SEPTIN4: variants seen among roughly 807,000 people sequenced by gnomAD.
SEPTIN4 encodes the protein septin-4.
SEPTIN4 carries 52 observed loss-of-function variants against 107.1 expected under a neutral mutation model. The observed-to-expected ratio is 0.49, with a 90% CI of 0.39 to 0.61. The LOEUF is 0.61. Ranked by LOEUF, SEPTIN4 falls within the 20% of genes least tolerant of loss-of-function variation. The pLI is 0.00. For missense variants in SEPTIN4, 1,048 were observed against 1,243.5 expected (o/e 0.84, Z 2.36); for synonymous variants, 417 against 467.0 (o/e 0.89, Z 1.38).
rs749118292 is a variant in SEPTIN4, at chr17:58,543,608, A to G, written c.579T>C (p.Ile193=). ...CTGCTTCATCCTTTGGGTAAGACAA[A>G]ATCCTACGGGGAACTCTGACTCCTT... is the stretch of plus-strand genomic sequence containing the variant. ...NPQGVRVPRR[I]LSYPKDEAVQ... Residue 193 remains isoleucine, a synonymous_variant, in exon 1 of 14, where the codon ATT becomes ATC. Coordinates refer to ENST00000672673, the MANE Select transcript of SEPTIN4 (RefSeq NM_001368771.2). 7 of 1,614,004 alleles carry G rather than the reference A, an allele frequency of 4.3e-6. No homozygotes were observed.
intron 3 of SEPTIN4, chr17:58,527,844 G>C (rs935850675): frequency 1.0e-6 from 1 of 985,564 alleles, no homozygotes; most frequent in African/African-American, 1.7e-5. Context: ...CCCAGAGCCG[G>C]CAGTGCACGA....
chr17:58,538,892 C>T lies in SEPTIN4; in HGVS notation c.1614+1774G>A, dbSNP rs1472639531. ...ATGATGCCTTCCACAAGCCAGGCAT[C>T]GTGGCCAGGCCACCAGAGAATTCCT... On this transcript the variant is annotated intron_variant, in intron 3 of 13. Transcript: ENST00000672673. This position sits in a 1 kb window ranked among gnomAD's most constrained non-coding sequence, Gnocchi z 4.7. 1.3e-5 allele frequency among the ~76,000 whole-genome samples: 2 copies of T among 152,206 alleles called. No homozygotes were observed. Among genetic ancestry groups the T allele is most frequent in the East Asian group, 1.9e-4 (1 of 5,200 alleles).
Position 58,526,283 on chromosome 17 carries a change from G to C in SEPTIN4, c.1942C>G (p.Leu648Val). 6.2e-7 allele frequency: 1 copy of C among 1,603,276 alleles called. No homozygotes were observed. The highest frequency in any genetic ancestry group is 8.5e-7 in the Non-Finnish European group (1 of 1,174,708). ...GACTTTCGGTGGACTTGGTTGGGGA[G>C]GGTTGCAAAGCCCACATACTCCTTG... ...DDKEYVGFAT[L>V]PNQVHRKSVK... is the part of the protein sequence containing the mutation. Residue 648 changes from leucine to valine, a missense_variant, in exon 5 of 14, where the codon CTC becomes GTC. By Grantham distance (32) the Leu-to-Val change is conservative. Around this residue, in one of 2 missense-constraint regions of SEPTIN4, gnomAD observed 787 missense variants for 871.8 expected, o/e 0.90. Transcript: ENST00000672673.
At chr17:58,528,812 G>C (rs565668362) in intron 3 of SEPTIN4, among the ~76,000 whole-genome samples, 1 of 152,280 alleles carries the variant, frequency 6.6e-6, no homozygotes, top group Admixed American at 6.5e-5. Context: ...ACTGAGTGGA[G>C]GGGCAGGGAA....
rs1250995210 is a variant in SEPTIN4, at chr17:58,525,280, T to C, written c.2093-79A>G. ...GATGAACCGCCCACCCCAACCAGCC[T>C]TGTTGCTCAGACTGCCTAATCCACA... On this transcript the variant is annotated intron_variant, in intron 6 of 13. Transcript: ENST00000672673. The C allele has an allele frequency of 2.6e-6, 4 of 1,568,530 alleles. No individual in the cohort carries two copies. In the South Asian group the frequency reaches 4.6e-5, roughly 18 times the overall value.
In SEPTIN4 at chr17:58,543,686, G is replaced by A. The variant is rs139081806; in HGVS notation, c.501C>T (p.Asn167=). ...CATCTTCTAAGATTTGTGATTGTAAGTTATTCTTCTGGTCTTGAAAACTCA... is the reference window on the plus strand; with the variant it reads ...CATCTTCTAAGATTTGTGATTGTAAATTATTCTTCTGGTCTTGAAAACTCA... The part of the protein sequence containing the change: ...HQLSFQDQKN[N]LQSQILEDDP... Residue 167 remains asparagine (N), a synonymous_variant, in exon 1 of 14, where the codon AAC becomes AAT. Coordinates refer to ENST00000672673, the MANE Select transcript of SEPTIN4 (RefSeq NM_001368771.2). The A allele has an allele frequency of 1.5e-4, 249 of 1,614,104 alleles. No homozygotes were observed. Among genetic ancestry groups the A allele is most frequent in the Non-Finnish European group, 2.0e-4 (237 of 1,180,040 alleles).
At chr17:58,528,136 G>T in intron 3 of SEPTIN4, 1 of 674,116 alleles carries the variant, frequency 1.5e-6, no homozygotes, top group Non-Finnish European at 1.8e-6. Context: ...ACTCTCTGAG[G>T]GTTAGCCAAG....
intron 7 of SEPTIN4, 72 bp downstream of exon 7, chr17:58,525,006 G>A: frequency 1.9e-6 from 3 of 1,598,388 alleles, no homozygotes; most frequent in Non-Finnish European, 2.6e-6. Context: ...GATATATCTG[G>A]GCCTACGTGT....
rs371635369 is a variant in SEPTIN4, at chr17:58,543,305, C to T, written c.882G>A (p.Glu294=). The T allele has an allele frequency of 2.5e-6, 4 of 1,614,068 alleles. No homozygotes were observed. The African/African-American group carries it at 5.3e-5, about 22-fold the overall frequency. The part of the protein sequence containing the change: ...VHRVSARVDP[E]SLHKYSAYPE... ...GATAGGCAGAATACTTATGAAGAGA[C>T]TCAGGGTCTACCCGTGCAGAAACTC... The change falls in exon 1 of 14, where the codon GAG becomes GAA. Residue 294 remains glutamate (E), a synonymous_variant. Transcript: ENST00000672673.
Position 58,525,758 on chromosome 17 carries a change from T to G in SEPTIN4, c.2029A>C (p.Thr677Pro). 6.2e-7 allele frequency: 1 copy of G among 1,614,142 alleles called. No homozygotes were observed. The highest frequency in any genetic ancestry group is 8.5e-7 in the Non-Finnish European group (1 of 1,180,008). ...VAGESGLGKSTLVNSLFLTDL... is the reference protein window; with the variant it reads ...VAGESGLGKSPLVNSLFLTDL... ...GTGAGGAAGAGGCTATTGACAAGTG[T>G]GGATTTGCCCAGGCCAGACTCTCCT... is the stretch of plus-strand genomic sequence containing the variant. Residue 677 changes from threonine to proline, a missense_variant, in exon 6 of 14, where the codon ACA becomes CCA. By Grantham distance (38) the Thr-to-Pro change is conservative (BLOSUM62 -1). Transcript: ENST00000672673.
Position 58,540,657 on chromosome 17 carries a change from C to G in SEPTIN4, c.1614+9G>C. 5.1e-6 allele frequency: 7 copies of G among 1,361,894 alleles called. No individual in the cohort carries two copies. The highest frequency in any genetic ancestry group is 6.6e-6 in the Non-Finnish European group (7 of 1,063,054). 84.4% of individuals were successfully genotyped at this position (1,361,894 alleles called of 1,614,324 possible). ...AAGACTGGGAGTAACCTCCCAGGGG[C>G]ATTCTTACCTCCTCATCTGTCATAA... On this transcript the variant is annotated intron_variant, in intron 3 of 13. Transcript: ENST00000672673.
chr17:58,532,637 A>AGGGATCATCTGCT (rs1385589463), intron 3 of SEPTIN4, among the ~76,000 whole-genome samples: 2 of 152,244 alleles, frequency 1.3e-5, no homozygotes, highest in Admixed American at 6.5e-5. Flanking sequence ...CAAATTATCC[A>AGGGATCATCTGCT]GGGATCATCT....
At position 58,525,926 on chromosome 17, in the gene SEPTIN4, A is replaced by C. The variant is rs144906628; in HGVS notation, c.2006-145T>G. 3.1e-4 allele frequency: 266 copies of C among 858,598 alleles called. 1 individual carries two copies. The African/African-American group carries it at 4.0e-3, about 13-fold the overall frequency. 53.2% of individuals were successfully genotyped at this position (858,598 alleles called of 1,614,324 possible). The stretch of plus-strand genomic sequence containing the variant: ...CAAACTATAGCATTTTAGAGCTGGG[A>C]GGAAGCACAGAGATTGGCTTGGGGG... On this transcript the variant is annotated intron_variant, in intron 5 of 13. Transcript: ENST00000672673.
Position 58,524,217 on chromosome 17 carries a change from C to T in SEPTIN4, c.2216+861G>A, listed in dbSNP as rs955442804. Among the ~76,000 whole-genome samples, 3 of 152,246 alleles carry T rather than the reference C, an allele frequency of 2.0e-5. No homozygotes were observed. In the South Asian group the frequency reaches 6.2e-4, roughly 32 times the overall value. ...TGACCATTACCTAAGCTGGAGGTAA[C>T]GGTCAGACCTACTGACCATTAGCTG... On this transcript the variant is annotated intron_variant, in intron 7 of 13. Coordinates refer to ENST00000672673, the MANE Select transcript of SEPTIN4 (RefSeq NM_001368771.2).
At chr17:58,526,395 A>G in intron 4 of SEPTIN4, 82 bp from the exon 5 acceptor site, 1 of 1,398,166 alleles carries the variant, frequency 7.2e-7, no homozygotes, top group Non-Finnish European at 9.3e-7. Context: ...TCTCCCTTTC[A>G]GGCCTTTGCC....
chr17:58,522,035 C>T lies in SEPTIN4; in HGVS notation c.2283G>A (p.Leu761=). 2 of 1,614,210 alleles carry T rather than the reference C, an allele frequency of 1.2e-6. No homozygotes were observed. Among genetic ancestry groups the T allele is most frequent in the Non-Finnish European group, 1.7e-6 (2 of 1,180,038 alleles). The change falls in exon 8 of 14, where the codon CTG becomes CTA. Residue 761 remains leucine (L), a synonymous_variant. Transcript: ENST00000672673. ...FEQYFRDESG[L]NRKNIQDNRV... ...TGTTGTCTTGGATGTTCTTTCGGTT[C>T]AGGCCACTCTCGTCTCGGAAATACT... is the stretch of plus-strand genomic sequence containing the variant.
intron 7 of SEPTIN4, chr17:58,524,486 ATTCGG>A (rs2042612625): frequency 1.3e-5 from 2 of 152,038 alleles, no homozygotes; most frequent in African/African-American, 2.4e-5. Flanking sequence ...GTGACAGTTT[ATTCGG>A]CATCTACTAT....
chr17:58,541,506 G>A (rs1327565860), intron 2 of SEPTIN4: 4 of 255,370 alleles, frequency 1.6e-5, no homozygotes, highest in Non-Finnish European at 7.4e-6. Context: ...GGGGCATGAG[G>A]AGGGTTCTGA....
At position 58,520,831 on chromosome 17, in the gene SEPTIN4, C is replaced by T. The variant is rs770936799; in HGVS notation, c.2843G>A (p.Arg948Gln). ...GATGGGGAAGTCGGTACCACTTTCC[C>T]GAGTCAGTTTGCTAAAGGGAGAAAA... ...VKERNRNKLT[R>Q]ESGTDFPIPA... The change falls in exon 13 of 14, where the codon CGG becomes CAG. Residue 948 changes from arginine (R) to glutamine (Q), a missense_variant. Arg to Gln is a conservative substitution (Grantham distance 43, BLOSUM62 1). Coordinates refer to ENST00000672673, the MANE Select transcript of SEPTIN4 (RefSeq NM_001368771.2). 13 of 1,609,846 alleles carry T rather than the reference C, an allele frequency of 8.1e-6. No individual in the cohort carries two copies. The highest frequency in any genetic ancestry group is 3.3e-4 in the Middle Eastern group (2 of 6,054).
Sources: gnomAD v4.1 joint callset for allele counts (sites outside exome capture counted in the v4.1 genomes callset) on GRCh38, gnomAD v4.1.1 for gene constraint, gnomAD v4.1.1 regional missense constraint, Gnocchi (gnomAD v3.1) non-coding constraint, MANE v1.5 for transcripts, NCBI Gene and HGNC (gene_info 2026-07-23, HGNC 2026-07-21) for gene names.